The following DLEC1 variants were observed in gnomAD, a reference collection of about 807,000 sequenced individuals.
DLEC1 encodes DLEC1 cilia and flagella associated protein, also known as deleted in lung and esophageal cancer protein 1.
A neutral mutation model predicts 198.1 loss-of-function variants in DLEC1; 146 were observed. The observed-to-expected ratio is 0.74, with a 90% CI of 0.64 to 0.85. The LOEUF is 0.85. Ranked by LOEUF, DLEC1 falls within the 40% of genes least tolerant of loss-of-function variation. DLEC1 has a pLI of 0.00. For synonymous variants in DLEC1, 897 were observed against 866.8 expected (o/e 1.03, Z -0.61); for missense variants, 2,233 against 2,220.0 (o/e 1.01, Z -0.12).
intron 2 of DLEC1, among the ~76,000 whole-genome samples, chr3:38,048,775 C>T (rs1355473745): frequency 2.0e-5 from 3 of 152,130 alleles, no homozygotes; most frequent in Non-Finnish European, 4.4e-5. Context: ...GCAGCAGAAG[C>T]CCTATCCTTC....
chr3:38,058,390 T>A (rs1009989041), intron 2 of DLEC1, among the ~76,000 whole-genome samples: 3 of 152,078 alleles, frequency 2.0e-5, no homozygotes, highest in Non-Finnish European at 4.4e-5. Context: ...TGCTCTTGAG[T>A]GTGTCTGCAC....
chr3:38,055,275 C>A (rs147382706), intron 2 of DLEC1, among the ~76,000 whole-genome samples: 22 of 152,282 alleles, frequency 1.4e-4, no homozygotes, highest in Non-Finnish European at 2.4e-4. Context: ...TTATGAAAGC[C>A]TGAATACACA....
intron 2 of DLEC1, among the ~76,000 whole-genome samples, chr3:38,057,399 G>A (rs1294027304): frequency 6.6e-6 from 1 of 152,126 alleles, no homozygotes; most frequent in Non-Finnish European, 1.5e-5. Flanking sequence ...AGCTGAGGTA[G>A]GAGAAGCGCT....
intron 21 of DLEC1, among the ~76,000 whole-genome samples, chr3:38,108,863 C>A (rs1699710272): frequency 6.6e-6 from 1 of 152,218 alleles, no homozygotes; most frequent in Non-Finnish European, 1.5e-5. Flanking sequence ...TCACAGCAGG[C>A]ACTGTGCCAG....
At chr3:38,079,799 G>A (rs1697864043) in intron 6 of DLEC1, among the ~76,000 whole-genome samples, 1 of 152,184 alleles carries the variant, frequency 6.6e-6, no homozygotes, top group South Asian at 2.1e-4. Flanking sequence ...CAGGCGTTTG[G>A]AAGTTCTCGT....
chr3:38,117,970 G>A lies in DLEC1; in HGVS notation c.4650G>A (p.Glu1550=). 1 of 1,613,864 alleles carries A rather than the reference G, an allele frequency of 6.2e-7. No individual in the cohort carries two copies. The highest frequency in any genetic ancestry group is 8.5e-7 in the Non-Finnish European group (1 of 1,179,852). ...CTGGCCAGAAGCAGGAGTGTGAGGA[G>A]GAGACAGCCTCAGCGGACAAGCAGC... ...PGPGQKQECE[E]ETASADKQLV... The change falls in exon 33 of 37, where the codon GAG becomes GAA. Residue 1550 remains glutamate, a synonymous_variant. Coordinates refer to ENST00000308059, the MANE Select transcript of DLEC1 (RefSeq NM_007335.4).
chr3:38,094,759 G>C (rs1286918192), intron 12 of DLEC1, 120 bp from the exon 13 acceptor site: 2 of 1,203,822 alleles, frequency 1.7e-6, no homozygotes, highest in Non-Finnish European at 2.3e-6. Flanking sequence ...GGCTGACCTG[G>C]TTTCTTCCTG....
chr3:38,092,988 C>A, intron 11 of DLEC1, 108 bp downstream of exon 11: 1 of 1,014,054 alleles, frequency 9.9e-7, no homozygotes. Context: ...CTGTGTGTGT[C>A]AGGAGCGCAC....
In DLEC1 at chr3:38,081,660, G is replaced by C. The variant is rs1301917963; in HGVS notation, c.1174-2498G>C. ...TCCCGGACGGGGCGGCTGGCCGGGT[G>C]GGGGGGCTGACCCCCCCATCTCCCT... On this transcript the variant is annotated intron_variant, in intron 6 of 36. Coordinates refer to ENST00000308059, the MANE Select transcript of DLEC1 (RefSeq NM_007335.4). Among the ~76,000 whole-genome samples, 57 of 73,632 alleles carry C rather than the reference G, an allele frequency of 7.7e-4. 1 individual carries two copies. Among genetic ancestry groups the C allele is most frequent in the African/African-American group, 1.9e-3 (30 of 15,844 alleles). 48.3% of individuals were successfully genotyped at this position (73,632 alleles called of 152,430 possible). A position where few individuals can be genotyped will look rare whatever the true frequency, so the allele number is the denominator to read the frequency against.
chr3:38,112,110 G>A lies in DLEC1; in HGVS notation c.3515-100G>A. 1 of 1,549,870 alleles carries A rather than the reference G, an allele frequency of 6.5e-7. No homozygotes were observed. The highest frequency in any genetic ancestry group is 8.8e-7 in the Non-Finnish European group (1 of 1,136,660). ...TAGCCTGACCAAGGAGAGGCTGGAG[G>A]GTGGCTTATCGGGGACAGTGCTTTG... On this transcript the variant is annotated intron_variant, in intron 24 of 36. Transcript: ENST00000308059. This position sits in a 1 kb window ranked among gnomAD's most constrained non-coding sequence, Gnocchi z 4.8.
rs748378780 is a variant in DLEC1 at position 38,062,194 on chromosome 3, A to C, written c.699A>C (p.Lys233Asn). The C allele has an allele frequency of 6.2e-7, 1 of 1,614,210 alleles. No individual in the cohort carries two copies. Among genetic ancestry groups the C allele is most frequent in the East Asian group, 2.2e-5 (1 of 44,888 alleles). Residue 233 changes from lysine to asparagine, a missense_variant, in exon 4 of 37, where the codon AAA (lysine) becomes AAC (asparagine). Lys to Asn is a moderately conservative substitution (Grantham distance 94, BLOSUM62 0). Coordinates refer to ENST00000308059, the MANE Select transcript of DLEC1 (RefSeq NM_007335.4). ...GCATCTCCCTACCTGGATGTTCAAA[A>C]CTGACATTTAGCTGTGAGAAGCGTT... is the stretch of plus-strand genomic sequence containing the variant. ...PKGISLPGCS[K>N]LTFSCEKRSV...
Position 38,100,437 on chromosome 3 carries a change from G to T in DLEC1, c.2864+12G>T. 6.2e-7 allele frequency: 1 copy of T among 1,605,884 alleles called. No individual in the cohort carries two copies. The highest frequency in any genetic ancestry group is 1.1e-5 in the South Asian group (1 of 89,956). On this transcript the variant is annotated intron_variant, in intron 19 of 36. Coordinates refer to ENST00000308059, the MANE Select transcript of DLEC1 (RefSeq NM_007335.4). ...AATGGTGCCTGGAGGTAAGGGTGCC[G>T]TGGGAAGAGCCACTACAACAAACTA...
At chr3:38,117,183 C>T in intron 30 of DLEC1, 25 bp from the exon 31 acceptor site, 1 of 1,614,136 alleles carries the variant, frequency 6.2e-7, no homozygotes, top group Non-Finnish European at 8.5e-7. Flanking sequence ...CAGGGATCAG[C>T]TGTGATCAGA....
chr3:38,120,870 C>T (rs936006265), intron 34 of DLEC1, among the ~76,000 whole-genome samples: 2 of 152,208 alleles, frequency 1.3e-5, no homozygotes, highest in Admixed American at 6.5e-5. Flanking sequence ...GGAGGAAGGA[C>T]ATGAAGCCTG....
At chr3:38,058,415 G>C (rs2125603769) in intron 2 of DLEC1, among the ~76,000 whole-genome samples, 1 of 152,184 alleles carries the variant, frequency 6.6e-6, no homozygotes, top group African/African-American at 2.4e-5. Context: ...CCTACCTCAG[G>C]CCAGCACCGA....
In DLEC1 at chr3:38,084,395, A is replaced by AGTAGTGGTGGTG. The variant is rs1475982117; in HGVS notation, c.1261+155_1261+156insGGTGGTGGTAGT. 233 of 648,796 alleles carry AGTAGTGGTGGTG rather than the reference A, an allele frequency of 3.6e-4. 1 individual carries two copies. The highest frequency in any genetic ancestry group is 5.3e-4 in the Non-Finnish European group (208 of 393,248). 40.2% of individuals were successfully genotyped at this position (648,796 alleles called of 1,614,324 possible). A position where few individuals can be genotyped will look rare whatever the true frequency, so the allele number is the denominator to read the frequency against. ...TAGTGATGGTGGTAGTAGTGGTAGT[A>AGTAGTGGTGGTG]GTAGTAGTGGTGGTGGTAGTAGTAG... On this transcript the variant is annotated intron_variant, in intron 7 of 36. Coordinates refer to ENST00000308059, the MANE Select transcript of DLEC1 (RefSeq NM_007335.4).
chr3:38,087,755 A>G (rs957676929), intron 9 of DLEC1, among the ~76,000 whole-genome samples: 5 of 152,254 alleles, frequency 3.3e-5, no homozygotes, highest in African/African-American at 4.8e-5. Flanking sequence ...GTTACTGACC[A>G]GGGTCTTGTA....
chr3:38,117,118 G>C lies in DLEC1; in HGVS notation c.4305+18G>C. On this transcript the variant is annotated intron_variant, in intron 30 of 36. Coordinates refer to ENST00000308059, the MANE Select transcript of DLEC1 (RefSeq NM_007335.4). Reference sequence around the variant, plus strand: ...ACAGCAAGGTGAGCTCTTCCGGCCTGGGGTGGGGGCCGCAGCCACTGCTCC... The same window carrying C: ...ACAGCAAGGTGAGCTCTTCCGGCCTCGGGTGGGGGCCGCAGCCACTGCTCC... The C allele has an allele frequency of 6.2e-7, 1 of 1,613,904 alleles. No homozygotes were observed. Among genetic ancestry groups the C allele is most frequent in the Non-Finnish European group, 8.5e-7 (1 of 1,179,860 alleles).
intron 6 of DLEC1, among the ~76,000 whole-genome samples, chr3:38,076,576 A>G (rs1316400149): frequency 6.6e-6 from 1 of 152,170 alleles, no homozygotes; most frequent in Non-Finnish European, 1.5e-5. Flanking sequence ...ACTCAAGGCA[A>G]GGACCGGCCA....
Sources: allele counts gnomAD v4.1 joint callset (sites outside exome capture counted in the v4.1 genomes callset), GRCh38; gene constraint gnomAD v4.1.1; non-coding constraint Gnocchi (gnomAD v3.1); transcripts MANE v1.5; gene names NCBI Gene and HGNC (gene_info 2026-07-23, HGNC 2026-07-21).